TBC1D8: variants seen among roughly 807,000 people sequenced by gnomAD.
TBC1D8 encodes TBC1 domain family member 8.
A neutral mutation model predicts 118.8 loss-of-function variants in TBC1D8; 65 were observed. The ratio of observed to expected loss-of-function variants is 0.55; its 90% CI spans 0.45 to 0.67. The LOEUF (loss-of-function observed/expected upper bound fraction) is 0.67. Ranked by LOEUF, TBC1D8 falls within the 30% of genes least tolerant of loss-of-function variation. TBC1D8 has a pLI of 0.00. For synonymous variants in TBC1D8, 566 were observed against 595.8 expected (o/e 0.95, Z 0.73); for missense variants, 1,376 against 1,471.2 (o/e 0.94, Z 1.06).
At chr2:101,116,779 T>C (rs2104221504) in intron 1 of TBC1D8, among the ~76,000 whole-genome samples, 1 of 151,974 alleles carries the variant, frequency 6.6e-6, no homozygotes, top group South Asian at 2.1e-4. Flanking sequence ...GGGGCTGAGA[T>C]TACAGGCGCA....
At chr2:101,011,388 C>G (rs553876448) in intron 18 of TBC1D8, 63 bp downstream of exon 18, 1 of 1,544,734 alleles carries the variant, frequency 6.5e-7, no homozygotes, top group African/African-American at 1.4e-5. Context: ...TGAGGGCAAC[C>G]CCGGTGCCTC....
chr2:101,016,373 G>C (rs1034631988), intron 17 of TBC1D8, among the ~76,000 whole-genome samples: 1 of 151,902 alleles, frequency 6.6e-6, no homozygotes, highest in Non-Finnish European at 1.5e-5. Context: ...ACCACAATGA[G>C]ATACCATCTC....
chr2:101,063,706 C>T (rs975774803), intron 2 of TBC1D8, among the ~76,000 whole-genome samples: 6 of 152,082 alleles, frequency 3.9e-5, no homozygotes, highest in African/African-American at 1.4e-4. Flanking sequence ...TCTCAAACTA[C>T]ACTACAGCAG....
At chr2:101,127,160 C>A (rs1221485893) in intron 1 of TBC1D8, among the ~76,000 whole-genome samples, 1 of 152,022 alleles carries the variant, frequency 6.6e-6, no homozygotes, top group Non-Finnish European at 1.5e-5. Context: ...CACAGTGAAA[C>A]CCCATCTCTA....
Position 101,028,410 on chromosome 2 carries a change from C to T in TBC1D8, c.2245G>A (p.Glu749Lys). ...CCAACTGGGGGCCCTGGGCTGTCCT[C>T]ATTCTTAATGTGATCTAGAAACCTG... ...LSRFLDHIKN[E>K]DSPGPPVGSH... is the part of the protein sequence containing the mutation. Residue 749 changes from glutamate (E) to lysine (K), a missense_variant, in exon 13 of 20, where the codon GAG (glutamate) becomes AAG (lysine). Glu to Lys is a moderately conservative substitution (Grantham distance 56). Coordinates refer to ENST00000409318, the MANE Select transcript of TBC1D8 (RefSeq NM_001330348.2). 1 of 1,594,330 alleles carries T rather than the reference C, an allele frequency of 6.3e-7. No homozygotes were observed. The highest frequency in any genetic ancestry group is 8.5e-7 in the Non-Finnish European group (1 of 1,171,130).
At chr2:101,070,571 C>A (rs561339167) in intron 2 of TBC1D8, among the ~76,000 whole-genome samples, 11 of 152,168 alleles carry the variant, frequency 7.2e-5, no homozygotes, top group Admixed American at 6.5e-5. Flanking sequence ...CACCACCATG[C>A]CCTGCTAATT....
intron 3 of TBC1D8, among the ~76,000 whole-genome samples, chr2:101,058,514 C>T (rs1682570294): frequency 6.6e-6 from 1 of 152,156 alleles, no homozygotes; most frequent in South Asian, 2.1e-4. Context: ...TCTCTCCCAA[C>T]CCGATGGGGC....
At chr2:101,145,137 C>A (rs1003519576) in intron 1 of TBC1D8, among the ~76,000 whole-genome samples, 1 of 152,124 alleles carries the variant, frequency 6.6e-6, no homozygotes, top group Admixed American at 6.5e-5. Flanking sequence ...CCACCACCTG[C>A]ACAATTTGTA....
intron 1 of TBC1D8, among the ~76,000 whole-genome samples, chr2:101,142,720 GA>G (rs1558731640): frequency 1.3e-5 from 2 of 151,930 alleles, no homozygotes; most frequent in Non-Finnish European, 1.5e-5. Flanking sequence ...ACACAAAACT[GA>G]ACTATGTATT....
intron 1 of TBC1D8, among the ~76,000 whole-genome samples, chr2:101,112,044 A>C (rs1677620859): frequency 6.6e-6 from 1 of 152,164 alleles, no homozygotes; most frequent in South Asian, 2.1e-4. Flanking sequence ...CCATCTGAAC[A>C]CAGATGTGCT....
intron 1 of TBC1D8, among the ~76,000 whole-genome samples, chr2:101,095,322 A>AC (rs1442223614): frequency 2.1e-5 from 3 of 143,686 alleles, no homozygotes; most frequent in Non-Finnish European, 4.6e-5. Context: ...ACATATGTAT[A>AC]CATGTGCCAT....
rs928059476 is a variant in TBC1D8 at position 101,102,063 on chromosome 2, AAGGGG to A, written c.128-11704_128-11700del. Among the ~76,000 whole-genome samples, 5 of 134,618 alleles carry A rather than the reference AAGGGG, an allele frequency of 3.7e-5. 1 individual carries two copies. The South Asian group carries it at 1.2e-3, about 31-fold the overall frequency. The allele number at this position is 134,618 out of a possible 152,430, so 88.3% of individuals were successfully genotyped here. ...GAGGGGAGTGGAGAGGAGGGGAGGG[AAGGGG>A]AGGGGAGGGGAGAGACAGAAAGAGA... On this transcript the variant is annotated intron_variant, in intron 1 of 19. Transcript: ENST00000409318.
chr2:101,059,922 G>A (rs995404917), intron 2 of TBC1D8, among the ~76,000 whole-genome samples: 1 of 152,064 alleles, frequency 6.6e-6, no homozygotes, highest in African/African-American at 2.4e-5. Context: ...CTGGGCGAGA[G>A]TGCGAGACTC....
chr2:101,080,107 G>C (rs1197461971), intron 2 of TBC1D8, among the ~76,000 whole-genome samples: 1 of 152,070 alleles, frequency 6.6e-6, no homozygotes, highest in Non-Finnish European at 1.5e-5. Flanking sequence ...ACAACCCTAA[G>C]GGAAGAATGC....
chr2:101,075,721 T>C (rs1674770257), intron 2 of TBC1D8, among the ~76,000 whole-genome samples: 1 of 152,184 alleles, frequency 6.6e-6, no homozygotes, highest in Non-Finnish European at 1.5e-5. Context: ...TGCTGAGCTG[T>C]GAGTCAATTA....
intron 16 of TBC1D8, 78 bp from the exon 17 acceptor site, chr2:101,021,824 G>C (rs1280161778): frequency 2.2e-6 from 2 of 920,672 alleles, no homozygotes; most frequent in Non-Finnish European, 3.4e-6. Context: ...ACTGTGGAGA[G>C]AACACTGGGG....
rs983711106 is a variant in TBC1D8, at chr2:101,104,117, T to C, written c.128-13753A>G. Among the ~76,000 whole-genome samples the C allele has an allele frequency of 5.3e-5, 8 of 152,284 alleles. No individual in the cohort carries two copies. In the South Asian group the frequency reaches 8.3e-4, roughly 16 times the overall value. On this transcript the variant is annotated intron_variant, in intron 1 of 19. Transcript: ENST00000409318. ...GAATTTGAAGGAAAAAAAATTACCA[T>C]TGACAACAGTAAAAGGTATTTTTGT...
At chr2:101,133,565 G>A (rs1046772730) in intron 1 of TBC1D8, among the ~76,000 whole-genome samples, 1 of 152,188 alleles carries the variant, frequency 6.6e-6, no homozygotes, top group African/African-American at 2.4e-5. Flanking sequence ...GGTGAGGGGG[G>A]TTCACAGATG....
intron 1 of TBC1D8, among the ~76,000 whole-genome samples, chr2:101,107,415 C>T (rs934858197): frequency 6.6e-6 from 1 of 151,368 alleles, no homozygotes; most frequent in Non-Finnish European, 1.5e-5. Context: ...TGTGGGCAGG[C>T]ACTATCCAAT....
Sources: gnomAD v4.1 joint callset for allele counts (sites outside exome capture counted in the v4.1 genomes callset) on GRCh38, gnomAD v4.1.1 for gene constraint, MANE v1.5 for transcripts, NCBI Gene and HGNC (gene_info 2026-07-23, HGNC 2026-07-21) for gene names.